Variants in B3GALT5 observed in about 807,000 individuals in gnomAD.
B3GALT5 encodes beta-1,3-galactosyltransferase 5, also known as UDP-Gal:betaGlcNAc beta 1,3-galactosyltransferase, polypeptide 5.
For synonymous variants in B3GALT5, 156 were observed against 158.6 expected (o/e 0.98, Z 0.12); for missense variants, 328 against 396.6 (o/e 0.83, Z 1.47).
chr21:39,660,497 A>G, intron 3 of B3GALT5, 63 bp from the exon 4 acceptor site: 1 of 1,320,660 alleles, frequency 7.6e-7, no homozygotes, highest in South Asian at 2.6e-5. Context: ...TCAGCCTCCT[A>G]GCATAAAACT....
chr21:39,659,333 C>T (rs893796583), intron 2 of B3GALT5, among the ~76,000 whole-genome samples: 10 of 152,300 alleles, frequency 6.6e-5, no homozygotes, highest in South Asian at 6.2e-4. Flanking sequence ...TGTCCTCTCA[C>T]CCAGGGTAAC....
rs559940925 is a variant in B3GALT5 at position 39,657,490 on chromosome 21, G to A, written c.-160-2263G>A. 3 of 164,954 alleles carry A rather than the reference G, an allele frequency of 1.8e-5. No individual in the cohort carries two copies. The South Asian group carries it at 6.0e-4, about 33-fold the overall frequency. The allele number at this position is 164,954 out of a possible 1,614,324, so 10.2% of individuals were successfully genotyped here. ...AGGTTTCTGGGTTCTCAGGCCTTTG[G>A]CCTTGGACTGATAGTTACACCATTG... On this transcript the variant is annotated intron_variant, in intron 2 of 3. Coordinates refer to ENST00000684187, the MANE Select transcript of B3GALT5 (RefSeq NM_001356336.2).
chr21:39,655,469 G>A (rs2079433843), intron 2 of B3GALT5, among the ~76,000 whole-genome samples: 1 of 152,128 alleles, frequency 6.6e-6, no homozygotes, highest in South Asian at 2.1e-4. Context: ...GCCCAGTGTG[G>A]GCCTGGACAG....
At position 39,661,520 on chromosome 21, in the gene B3GALT5, G is replaced by C. The variant is rs1340609300; in HGVS notation, c.*28G>C. 1 of 1,485,696 alleles carries C rather than the reference G, an allele frequency of 6.7e-7. No homozygotes were observed. Among genetic ancestry groups the C allele is most frequent in the Non-Finnish European group, 8.9e-7 (1 of 1,118,492 alleles). The allele number at this position is 1,485,696 out of a possible 1,614,324, so 92.0% of individuals were successfully genotyped here. A position where few individuals can be genotyped will look rare whatever the true frequency, so the allele number is the denominator to read the frequency against. On this transcript the variant is annotated 3_prime_UTR_variant, in exon 4 of 4. Transcript: ENST00000684187. This position sits in a 1 kb window ranked among gnomAD's most constrained non-coding sequence, Gnocchi z 4.7. ...GGAGCCCAGAGGCACATCCGGACAAGTTTCAGATAACCCGTGGGGATAGTT... is the reference window on the plus strand; with the variant it reads ...GGAGCCCAGAGGCACATCCGGACAACTTTCAGATAACCCGTGGGGATAGTT...
intron 2 of B3GALT5, among the ~76,000 whole-genome samples, chr21:39,654,452 AATCT>A (rs1262723453): frequency 6.6e-6 from 1 of 152,220 alleles, no homozygotes; most frequent in African/African-American, 2.4e-5. Context: ...CTTGAAATGG[AATCT>A]ACTCCTGGTG....
chr21:39,617,421 A>G (rs1463720106), intron 1 of B3GALT5, among the ~76,000 whole-genome samples: 1 of 152,376 alleles, frequency 6.6e-6, no homozygotes, highest in East Asian at 1.9e-4. Flanking sequence ...ACTTACAATC[A>G]TGGCGGAAGG....
intron 1 of B3GALT5, among the ~76,000 whole-genome samples, chr21:39,646,173 TG>T (rs1254536010): frequency 1.4e-4 from 21 of 152,142 alleles, no homozygotes; most frequent in Non-Finnish European, 2.8e-4. Context: ...GCCCGGAAGC[TG>T]GTGCCCCGGA....
At chr21:39,652,748 C>T (rs2079407457) in intron 2 of B3GALT5, among the ~76,000 whole-genome samples, 1 of 152,168 alleles carries the variant, frequency 6.6e-6, no homozygotes, top group Non-Finnish European at 1.5e-5. Context: ...ATCTGGCCAA[C>T]TGATGTGTAA....
chr21:39,646,122 C>A (rs537982709), intron 1 of B3GALT5, among the ~76,000 whole-genome samples: 1 of 152,140 alleles, frequency 6.6e-6, no homozygotes, highest in African/African-American at 2.4e-5. Context: ...CCGAAGGTCT[C>A]CTGCTGGTGT....
In B3GALT5 at chr21:39,628,773, A is replaced by G. The variant is rs117843320; in HGVS notation, c.-392+15706A>G. Among the ~76,000 whole-genome samples the G allele has an allele frequency of 6.5e-3, 994 of 152,362 alleles. 8 individuals are homozygous for G. The highest frequency in any genetic ancestry group is 1.0e-2 in the Non-Finnish European group (678 of 68,040). ...CAGATGTAAGTCTTTAGAATGGTCT[A>G]GATTATGACCTGAGTGCTTACTGGT... On this transcript the variant is annotated intron_variant, in intron 1 of 3. Coordinates refer to ENST00000684187, the MANE Select transcript of B3GALT5 (RefSeq NM_001356336.2).
intron 1 of B3GALT5, among the ~76,000 whole-genome samples, chr21:39,627,047 GA>G: frequency 6.6e-6 from 1 of 152,308 alleles, no homozygotes; most frequent in South Asian, 2.1e-4. Flanking sequence ...TGGTACTGTG[GA>G]GGGGGGGATT....
chr21:39,640,346 T>A (rs945284007), intron 1 of B3GALT5, among the ~76,000 whole-genome samples: 4 of 152,074 alleles, frequency 2.6e-5, no homozygotes, highest in African/African-American at 9.7e-5. Flanking sequence ...CCCTAGAGAG[T>A]GGCTGCTTAG....
intron 1 of B3GALT5, among the ~76,000 whole-genome samples, chr21:39,626,735 A>G (rs1602259308): frequency 6.6e-6 from 1 of 152,068 alleles, no homozygotes; most frequent in East Asian, 1.9e-4. Context: ...CCATCTGTAT[A>G]TCTTCTTTGG....
At position 39,668,955 on chromosome 21, in the gene B3GALT5, CAG is replaced by C. The variant is rs1192972721; in HGVS notation, c.*7464_*7465del. ...AAATGCAGGTGCTTATGATTATAGT[CAG>C]TGTTTGGGCTGTGAATTTTGGTGGA... On this transcript the variant is annotated 3_prime_UTR_variant, in exon 4 of 4. Transcript: ENST00000684187. 6.6e-6 allele frequency: 1 copy of C among 152,252 alleles called. No homozygotes were observed. The highest frequency in any genetic ancestry group is 1.5e-5 in the Non-Finnish European group (1 of 68,094). The allele number at this position is 152,252 out of a possible 1,614,324, so 9.4% of individuals were successfully genotyped here.
chr21:39,660,612 C>T lies in B3GALT5; in HGVS notation c.53C>T (p.Ala18Val). The T allele has an allele frequency of 1.4e-6, 2 of 1,451,822 alleles. No homozygotes were observed. Among genetic ancestry groups the T allele is most frequent in the Non-Finnish European group, 9.1e-7 (1 of 1,100,380 alleles). The allele number at this position is 1,451,822 out of a possible 1,614,324, so 89.9% of individuals were successfully genotyped here. A position where few individuals can be genotyped will look rare whatever the true frequency, so the allele number is the denominator to read the frequency against. ...TATATTTGCCTTCTGGTTCTGGGGG[C>T]TCTTTGTTTGTATTTTAGCATGTAC... ...LMYICLLVLG[A>V]LCLYFSMYSL... The change falls in exon 4 of 4, where the codon GCT becomes GTT. Residue 18 changes from alanine to valine, a missense_variant. Transcript: ENST00000684187.
At chr21:39,648,879 C>CACA (rs2079367008) in intron 2 of B3GALT5, among the ~76,000 whole-genome samples, 1 of 152,142 alleles carries the variant, frequency 6.6e-6, no homozygotes, top group South Asian at 2.1e-4. Flanking sequence ...GTTGTGGGGA[C>CACA]ACAACAGGAA....
intron 1 of B3GALT5, among the ~76,000 whole-genome samples, chr21:39,632,375 C>T (rs1441661773): frequency 2.6e-5 from 4 of 151,996 alleles, no homozygotes; most frequent in Admixed American, 6.5e-5. Flanking sequence ...GAATGGAGGC[C>T]GGAGTACAGT....
At position 39,660,692 on chromosome 21, in the gene B3GALT5, C is replaced by G; in HGVS notation, c.133C>G (p.Leu45Val). Reference sequence around the variant, plus strand: ...TGTTTACAAGAAAGACGGGAACTTCCTTAAGCTCCCAGATACAGACTGCAG... The same window carrying G: ...TGTTTACAAGAAAGACGGGAACTTCGTTAAGCTCCCAGATACAGACTGCAG... ...SFVYKKDGNF[L>V]KLPDTDCRQT... Residue 45 changes from leucine to valine, a missense_variant, in exon 4 of 4, where the codon CTT becomes GTT. Transcript: ENST00000684187. 1 of 1,560,570 alleles carries G rather than the reference C, an allele frequency of 6.4e-7. No individual in the cohort carries two copies. The highest frequency in any genetic ancestry group is 8.7e-7 in the Non-Finnish European group (1 of 1,154,962).
intron 1 of B3GALT5, among the ~76,000 whole-genome samples, chr21:39,620,884 A>G (rs984396928): frequency 2.0e-5 from 3 of 152,156 alleles, no homozygotes; most frequent in Admixed American, 1.3e-4. Context: ...ATAAACAAGA[A>G]TAGCTTAGTT....
Sources: gnomAD v4.1 joint callset for allele counts (sites outside exome capture counted in the v4.1 genomes callset) on GRCh38, gnomAD v4.1.1 for gene constraint, Gnocchi (gnomAD v3.1) non-coding constraint, MANE v1.5 for transcripts, NCBI Gene and HGNC (gene_info 2026-07-23, HGNC 2026-07-21) for gene names.